Variants in EIPR1 observed in about 807,000 individuals in gnomAD.
EIPR1 encodes EARP complex and GARP complex interacting protein 1, also known as EARP and GARP complex-interacting protein 1.
Under a neutral mutation model 48.1 loss-of-function variants are expected in EIPR1, and 25 were observed. The observed-to-expected ratio is 0.52, with a 90% CI of 0.38 to 0.73. EIPR1 has a LOEUF of 0.73. EIPR1 is among the 30% of genes least tolerant of loss of function. The probability of loss-of-function intolerance (pLI) is 0.00; values close to 1 mark genes in which losing one functional copy is unlikely to be tolerated. For synonymous variants in EIPR1, 204 were observed against 201.9 expected, an observed-to-expected ratio of 1.01 and a Z score of -0.09; for missense variants, 415 against 506.2, an observed-to-expected ratio of 0.82 and a Z score of 1.73.
At chr2:3,326,630 C>A (rs1286378233) in intron 3 of EIPR1, among the ~76,000 whole-genome samples, 1 of 152,168 alleles carries the variant, frequency 6.6e-6, no homozygotes, top group Non-Finnish European at 1.5e-5. Flanking sequence ...AGAAGCGAGA[C>A]AGAGAAAGGG....
intron 4 of EIPR1, among the ~76,000 whole-genome samples, chr2:3,226,118 T>C (rs977413992): frequency 6.6e-6 from 1 of 152,252 alleles, no homozygotes; most frequent in Non-Finnish European, 1.5e-5. Context: ...CAGGGATCTC[T>C]TTGAGCTAAT....
intron 1 of EIPR1, among the ~76,000 whole-genome samples, chr2:3,367,917 C>T (rs1261335870): frequency 2.6e-5 from 4 of 151,962 alleles, no homozygotes; most frequent in Non-Finnish European, 5.9e-5. Context: ...CGGTGGCAGG[C>T]GCCTGTAGAC....
At chr2:3,302,776 G>C (rs997940170) in intron 3 of EIPR1, among the ~76,000 whole-genome samples, 1 of 152,200 alleles carries the variant, frequency 6.6e-6, no homozygotes, top group Admixed American at 6.5e-5. Flanking sequence ...CCCATCAGAC[G>C]ACAGGCTCCC....
intron 3 of EIPR1, among the ~76,000 whole-genome samples, chr2:3,288,238 C>A (rs1023487642): frequency 2.0e-5 from 3 of 152,232 alleles, no homozygotes; most frequent in East Asian, 3.8e-4. Flanking sequence ...CCAAGCCCTG[C>A]CTCTCTGCTA....
Position 3,257,313 on chromosome 2 carries a change from A to G in EIPR1, c.402T>C (p.His134=), listed in dbSNP as rs1343203900. The change falls in exon 4 of 9, where the codon CAT becomes CAC. Residue 134 remains histidine (H), a synonymous_variant. Transcript: ENST00000382125. ...ELLCHLDNTA[H]GNMACVVWEP... ...CAAAATCCTACCAGGCCATGTTGCCATGGGCTGTGTTGTCAAGGTGACAGA... is the reference window on the plus strand; with the variant it reads ...CAAAATCCTACCAGGCCATGTTGCCGTGGGCTGTGTTGTCAAGGTGACAGA... The G allele has an allele frequency of 3.1e-6, 5 of 1,613,768 alleles. No homozygotes were observed. The highest frequency in any genetic ancestry group is 4.2e-6 in the Non-Finnish European group (5 of 1,179,816).
intron 8 of EIPR1, among the ~76,000 whole-genome samples, chr2:3,191,066 CTTGGGTGACTTTTTTGT>C (rs1480398642): frequency 2.0e-5 from 3 of 152,352 alleles, no homozygotes; most frequent in African/African-American, 7.2e-5. Context: ...TGCACACCAG[CTTGGGTGACTTTTTTGT>C]TTGTTTTTGT....
intron 1 of EIPR1, among the ~76,000 whole-genome samples, chr2:3,370,673 A>T (rs1200797778): frequency 1.3e-5 from 2 of 152,158 alleles, no homozygotes; most frequent in African/African-American, 4.8e-5. Flanking sequence ...TGAAGCGAGA[A>T]GGGAAGTTTA....
chr2:3,228,696 G>T (rs1188810776), intron 4 of EIPR1, among the ~76,000 whole-genome samples: 1 of 152,190 alleles, frequency 6.6e-6, no homozygotes, highest in Non-Finnish European at 1.5e-5. Context: ...GCAGGACCAG[G>T]TGGAAATAAT....
intron 1 of EIPR1, among the ~76,000 whole-genome samples, chr2:3,376,734 A>G (rs1311919157): frequency 6.6e-6 from 1 of 151,816 alleles, no homozygotes; most frequent in Non-Finnish European, 1.5e-5. Flanking sequence ...TCTTTAACAC[A>G]TACTGCTGCA....
At chr2:3,338,446 G>A (rs948336829) in intron 2 of EIPR1, among the ~76,000 whole-genome samples, 2 of 152,148 alleles carry the variant, frequency 1.3e-5, no homozygotes, top group African/African-American at 4.8e-5. Flanking sequence ...TCCTCAAGTG[G>A]CTCTTAGACC....
intron 3 of EIPR1, among the ~76,000 whole-genome samples, chr2:3,314,993 A>G (rs1277127680): frequency 1.3e-5 from 2 of 151,636 alleles, no homozygotes; most frequent in Admixed American, 1.3e-4. Flanking sequence ...CTCTCCGGCA[A>G]ACTGCATCCC....
intron 3 of EIPR1, among the ~76,000 whole-genome samples, chr2:3,287,143 C>T (rs1479135388): frequency 6.6e-6 from 1 of 152,222 alleles, no homozygotes; most frequent in African/African-American, 2.4e-5. Context: ...TCACCACGCT[C>T]TAGAAAACTC....
intron 3 of EIPR1, among the ~76,000 whole-genome samples, chr2:3,318,352 C>T (rs949878857): frequency 4.6e-5 from 7 of 152,294 alleles, no homozygotes; most frequent in Non-Finnish European, 8.8e-5. Flanking sequence ...AGCAGGACGC[C>T]GTGAGGAGCC....
Position 3,192,589 on chromosome 2 carries a change from G to T in EIPR1, c.822-8C>A. On this transcript the variant is annotated splice_polypyrimidine_tract_variant and splice_region_variant and intron_variant, in intron 7 of 8. Transcript: ENST00000382125. ...TAGCGGACGTTCCACACCCTGCAAA[G>T]GGCAAGGCAGCTGCTGAAATGAACT... is the stretch of plus-strand genomic sequence containing the variant. 1 of 1,608,344 alleles carries T rather than the reference G, an allele frequency of 6.2e-7. No homozygotes were observed. Among genetic ancestry groups the T allele is most frequent in the African/African-American group, 1.3e-5 (1 of 74,908 alleles).
intron 3 of EIPR1, among the ~76,000 whole-genome samples, chr2:3,272,167 C>T (rs1223339836): frequency 6.6e-6 from 1 of 152,256 alleles, no homozygotes; most frequent in African/African-American, 2.4e-5. Context: ...CCGGATTAGG[C>T]TTTGGCTTAA....
intron 3 of EIPR1, among the ~76,000 whole-genome samples, chr2:3,269,781 T>C (rs926666296): frequency 2.0e-5 from 3 of 152,198 alleles, no homozygotes; most frequent in African/African-American, 2.4e-5. Flanking sequence ...CCAAACAAAA[T>C]TGTGTTCAAG....
At chr2:3,216,481 G>C (rs1049190279) in intron 4 of EIPR1, among the ~76,000 whole-genome samples, 1 of 148,020 alleles carries the variant, frequency 6.8e-6, no homozygotes, top group Non-Finnish European at 1.5e-5. Flanking sequence ...CAGAAAGGCA[G>C]AGATTCCCTT....
chr2:3,225,291 G>A (rs1446321634), intron 4 of EIPR1, among the ~76,000 whole-genome samples: 1 of 143,978 alleles, frequency 6.9e-6, no homozygotes, highest in Non-Finnish European at 1.5e-5. Context: ...TGTCACCCAG[G>A]CTGGAGGGCA....
intron 4 of EIPR1, among the ~76,000 whole-genome samples, chr2:3,252,413 A>C (rs1667028738): frequency 6.6e-6 from 1 of 152,206 alleles, no homozygotes; most frequent in Non-Finnish European, 1.5e-5. Context: ...CAATATGGCA[A>C]AACCCCGTCT....
Sources: gnomAD v4.1 joint callset for allele counts (sites outside exome capture counted in the v4.1 genomes callset) on GRCh38, gnomAD v4.1.1 for gene constraint, MANE v1.5 for transcripts, NCBI Gene and HGNC (gene_info 2026-07-23, HGNC 2026-07-21) for gene names.